Variants in SEMA3A observed in about 807,000 individuals in gnomAD.
SEMA3A encodes the protein semaphorin-3A.
Under a neutral mutation model 97.9 loss-of-function variants are expected in SEMA3A, and 29 were observed. That is an observed-to-expected ratio of 0.30 (90% CI 0.22 to 0.40). The LOEUF is 0.40. SEMA3A is among the 10% of genes least tolerant of loss of function. The probability of loss-of-function intolerance (pLI) is 1.00; values close to 1 mark genes in which losing one functional copy is unlikely to be tolerated. For synonymous variants in SEMA3A, 321 were observed against 323.7 expected (o/e 0.99, Z 0.09); for missense variants, 763 against 951.3 (o/e 0.80, Z 2.60).
At chr7:84,160,235 A>G (rs1291263096) in intron 1 of SEMA3A, among the ~76,000 whole-genome samples, 2 of 26,298 alleles carry the variant, frequency 7.6e-5, no homozygotes, top group East Asian at 5.1e-4. Context: ...CTATCTATCT[A>G]TCTATCTATC....
chr7:83,970,783 T>G (rs1377225658), intron 15 of SEMA3A, among the ~76,000 whole-genome samples: 1 of 152,190 alleles, frequency 6.6e-6, no homozygotes, highest in Non-Finnish European at 1.5e-5. Context: ...GTTTTTATTA[T>G]AATTTTAGTA....
In SEMA3A at chr7:84,049,083, G is replaced by C. The variant is rs1171853495; in HGVS notation, c.548-2640C>G. Reference sequence around the variant, plus strand: ...AAGGTCCTTCAGAGAAAGTAGAACAGGTATTCAGTAAAAGAGCTACTCCAT... The same window carrying C: ...AAGGTCCTTCAGAGAAAGTAGAACACGTATTCAGTAAAAGAGCTACTCCAT... On this transcript the variant is annotated intron_variant, in intron 5 of 16. Transcript: ENST00000265362. 2.6e-5 allele frequency among the ~76,000 whole-genome samples: 4 copies of C among 152,006 alleles called. No individual in the cohort carries two copies. The East Asian group carries it at 7.7e-4, about 29-fold the overall frequency.
intron 1 of SEMA3A, among the ~76,000 whole-genome samples, chr7:84,460,098 A>G (rs757731716): frequency 3.5e-4 from 53 of 152,144 alleles, no homozygotes; most frequent in Non-Finnish European, 6.2e-4. Flanking sequence ...ATTAGGCAGG[A>G]TTTCATCAAC....
intron 4 of SEMA3A, among the ~76,000 whole-genome samples, chr7:84,088,187 G>A (rs1365353443): frequency 6.6e-6 from 1 of 152,098 alleles, no homozygotes; most frequent in Non-Finnish European, 1.5e-5. Context: ...CAGGCGCAGT[G>A]GCTCATGCCT....
rs144905067 is a variant in SEMA3A at position 84,076,318 on chromosome 7, G to T, written c.454-15760C>A. ...GCCCCTTGAAATACATGGTGTGATTGTTCCACTTTTGTAGATAAAGTAGCA... is the reference window on the plus strand; with the variant it reads ...GCCCCTTGAAATACATGGTGTGATTTTTCCACTTTTGTAGATAAAGTAGCA... On this transcript the variant is annotated intron_variant, in intron 4 of 16. Coordinates refer to ENST00000265362, the MANE Select transcript of SEMA3A (RefSeq NM_006080.3). Among the ~76,000 whole-genome samples, 584 of 152,064 alleles carry T rather than the reference G, an allele frequency of 3.8e-3. 4 individuals carry two copies. The highest frequency in any genetic ancestry group is 6.8e-3 in the Middle Eastern group (2 of 292).
intron 1 of SEMA3A, among the ~76,000 whole-genome samples, chr7:84,408,819 T>A (rs970921361): frequency 2.6e-5 from 4 of 151,530 alleles, no homozygotes; most frequent in Admixed American, 2.6e-4. Context: ...CCACATGTTC[T>A]CACTCATAGG....
At chr7:83,978,014 A>G (rs1364917876) in intron 14 of SEMA3A, among the ~76,000 whole-genome samples, 1 of 152,028 alleles carries the variant, frequency 6.6e-6, no homozygotes, top group Non-Finnish European at 1.5e-5. Context: ...CGTGTTAGCC[A>G]GGATGGTCTC....
intron 2 of SEMA3A, among the ~76,000 whole-genome samples, chr7:84,335,181 T>C (rs1802007026): frequency 6.6e-6 from 1 of 152,170 alleles, no homozygotes; most frequent in Admixed American, 6.5e-5. Flanking sequence ...TTTTCTCTAC[T>C]ATTAATTTAT....
intron 11 of SEMA3A, among the ~76,000 whole-genome samples, chr7:84,003,959 C>T (rs1790559123): frequency 6.6e-6 from 1 of 152,118 alleles, no homozygotes; most frequent in East Asian, 1.9e-4. Context: ...GAACCTGACA[C>T]TGTTACACCT....
chr7:84,181,523 C>T (rs1339075049), intron 1 of SEMA3A, among the ~76,000 whole-genome samples: 1 of 151,944 alleles, frequency 6.6e-6, no homozygotes, highest in East Asian at 1.9e-4. Context: ...CAGCTACTTA[C>T]ATTTTAACAA....
intron 4 of SEMA3A, among the ~76,000 whole-genome samples, chr7:84,079,838 C>T (rs143024456): frequency 0.91 from 120,328 of 132,888 alleles, 54,643 homozygotes; most frequent in East Asian, 0.95. Flanking sequence ...TTTGACCCAG[C>T]CATCCCATTA....
intron 3 of SEMA3A, among the ~76,000 whole-genome samples, chr7:84,293,337 T>C (rs1272053297): frequency 6.6e-6 from 1 of 152,002 alleles, no homozygotes; most frequent in Non-Finnish European, 1.5e-5. Context: ...TGGAATTGCT[T>C]TCTCATATTT....
At chr7:84,356,230 T>A (rs1194627784) in intron 2 of SEMA3A, among the ~76,000 whole-genome samples, 1 of 151,872 alleles carries the variant, frequency 6.6e-6, no homozygotes, top group Non-Finnish European at 1.5e-5. Flanking sequence ...ATTATATTAA[T>A]ATTATAGTAT....
At chr7:84,143,825 A>G (rs1019354873) in intron 1 of SEMA3A, among the ~76,000 whole-genome samples, 2 of 151,922 alleles carry the variant, frequency 1.3e-5, no homozygotes, top group Non-Finnish European at 2.9e-5. Flanking sequence ...AGAAAAAGAA[A>G]AAGTAGAGGT....
intron 4 of SEMA3A, among the ~76,000 whole-genome samples, chr7:84,106,192 A>G (rs1795104792): frequency 6.6e-6 from 1 of 152,316 alleles, no homozygotes; most frequent in East Asian, 1.9e-4. Context: ...TTAATGATGA[A>G]CGGCATGTAG....
At chr7:83,966,892 G>A (rs1788717682) in intron 15 of SEMA3A, among the ~76,000 whole-genome samples, 1 of 151,872 alleles carries the variant, frequency 6.6e-6, no homozygotes, top group Non-Finnish European at 1.5e-5. Context: ...TGTATTTTTA[G>A]TAGAGACAGG....
chr7:84,140,206 T>C (rs1303467105), intron 1 of SEMA3A, among the ~76,000 whole-genome samples: 2 of 152,120 alleles, frequency 1.3e-5, no homozygotes, highest in African/African-American at 4.8e-5. Flanking sequence ...CAAGACTGTA[T>C]GTTTCCTGTT....
intron 1 of SEMA3A, among the ~76,000 whole-genome samples, chr7:84,409,005 T>G (rs1804187249): frequency 1.3e-5 from 2 of 151,350 alleles, no homozygotes; most frequent in South Asian, 4.2e-4. Context: ...GTAACAAAAC[T>G]GCACGTTGTG....
At chr7:84,310,025 A>C (rs1801274227) in intron 2 of SEMA3A, among the ~76,000 whole-genome samples, 1 of 152,196 alleles carries the variant, frequency 6.6e-6, no homozygotes, top group African/African-American at 2.4e-5. Flanking sequence ...AAGTGCATTG[A>C]TCAAATCAAA....
Sources: gnomAD v4.1 joint callset for allele counts (sites outside exome capture counted in the v4.1 genomes callset) on GRCh38, gnomAD v4.1.1 for gene constraint, MANE v1.5 for transcripts, NCBI Gene and HGNC (gene_info 2026-07-23, HGNC 2026-07-21) for gene names.